COL4A3: variants seen among roughly 807,000 people sequenced by gnomAD.
The protein encoded by COL4A3 is collagen type IV alpha 3 chain, also known as collagen alpha-3(IV) chain.
COL4A3 carries 135 observed loss-of-function variants against 217.4 expected under a neutral mutation model. That is an observed-to-expected ratio of 0.62 (90% CI 0.54 to 0.72). COL4A3 has a LOEUF of 0.72. COL4A3 is among the 30% of genes least tolerant of loss of function. The probability of loss-of-function intolerance (pLI) is 0.00; values close to 1 mark genes in which losing one functional copy is unlikely to be tolerated. For synonymous variants in COL4A3, 690 were observed against 736.3 expected (o/e 0.94, Z 1.02); for missense variants, 1,868 against 2,119.9 (o/e 0.88, Z 2.33).
chr2:227,189,858 T>C (rs1291237904), intron 1 of COL4A3, among the ~76,000 whole-genome samples: 1 of 152,212 alleles, frequency 6.6e-6, no homozygotes, highest in Non-Finnish European at 1.5e-5. Context: ...CATCCTAAGA[T>C]TGCTTTCCCT....
intron 26 of COL4A3, among the ~76,000 whole-genome samples, chr2:227,274,376 T>G (rs1336452872): frequency 1.3e-5 from 2 of 152,156 alleles, no homozygotes; most frequent in Non-Finnish European, 1.5e-5. Context: ...CCTTACATTA[T>G]ATGTTATAAA....
At chr2:227,289,420 C>T (rs1011484005) in intron 35 of COL4A3, among the ~76,000 whole-genome samples, 172 bp downstream of exon 35, 1 of 152,146 alleles carries the variant, frequency 6.6e-6, no homozygotes, top group Admixed American at 6.5e-5. Flanking sequence ...GTTGGCGTGT[C>T]ATTAACTAAC....
At position 227,287,409 on chromosome 2, in the gene COL4A3, G is replaced by A. The variant is rs556240358; in HGVS notation, c.2882-1741G>A. ...TTGTGCCACTGCACTCCAGCATGGC[G>A]AGAAAGCAAGACTCCGTCTCAAAAA... On this transcript the variant is annotated intron_variant, in intron 34 of 51. Coordinates refer to ENST00000396578, the MANE Select transcript of COL4A3 (RefSeq NM_000091.5). 5.0e-4 allele frequency among the ~76,000 whole-genome samples: 76 copies of A among 150,956 alleles called. 1 individual carries two copies. Among genetic ancestry groups the A allele is most frequent in the African/African-American group, 1.6e-3 (64 of 41,064 alleles).
chr2:227,234,382 C>T (rs1026772854), intron 1 of COL4A3, among the ~76,000 whole-genome samples: 11 of 152,186 alleles, frequency 7.2e-5, no homozygotes, highest in African/African-American at 2.7e-4. Context: ...TTAATTTTAA[C>T]GTGTGTTAAA....
Position 227,303,083 on chromosome 2 carries a change from G to A in COL4A3, c.3928G>A (p.Gly1310Arg). Residue 1310 changes from glycine to arginine, a missense_variant, in exon 44 of 52, where the codon GGA becomes AGA. Physicochemically the swap from Gly to Arg is moderately radical, Grantham distance 125 (BLOSUM62 -2). This residue lies in a region of COL4A3 where 1,503 missense variants were observed against 1,786.1 expected (regional missense o/e 0.84). Transcript: ENST00000396578. ...PGLPGPRGDP[G>R]FQGFPGVKGE... ...TCTTCCAGGACCCAGAGGTGATCCT[G>A]GATTCCAGGGGTTTCCAGGCGTGAA... 2 of 1,613,988 alleles carry A rather than the reference G, an allele frequency of 1.2e-6. No individual in the cohort carries two copies. Among genetic ancestry groups the A allele is most frequent in the Non-Finnish European group, 1.7e-6 (2 of 1,179,920 alleles).
chr2:227,238,358 G>T (rs866691871), intron 2 of COL4A3, among the ~76,000 whole-genome samples: 17 of 151,992 alleles, frequency 1.1e-4, no homozygotes, highest in Non-Finnish European at 8.8e-5. Flanking sequence ...CACAAGAGAA[G>T]AACTGAAAAC....
At chr2:227,238,915 T>C (rs1252935537) in intron 2 of COL4A3, among the ~76,000 whole-genome samples, 1 of 152,230 alleles carries the variant, frequency 6.6e-6, no homozygotes, top group Non-Finnish European at 1.5e-5. Context: ...GAGTTTCTAT[T>C]ATTTGCAAGA....
At chr2:227,288,342 C>A (rs1454543586) in intron 34 of COL4A3, among the ~76,000 whole-genome samples, 1 of 152,126 alleles carries the variant, frequency 6.6e-6, no homozygotes, top group African/African-American at 2.4e-5. Context: ...AATGTTCTGC[C>A]CACCTCAGCC....
chr2:227,263,762 A>G lies in COL4A3; in HGVS notation c.1151-18A>G. 6.2e-7 allele frequency: 1 copy of G among 1,608,922 alleles called. No individual in the cohort carries two copies. The highest frequency in any genetic ancestry group is 8.5e-7 in the Non-Finnish European group (1 of 1,177,150). ...CAGGAAAAAATGTAAAATACAAGAA[A>G]TGATTATTTTCTCCAAGGATCATCA... On this transcript the variant is annotated intron_variant, in intron 20 of 51. Coordinates refer to ENST00000396578, the MANE Select transcript of COL4A3 (RefSeq NM_000091.5).
chr2:227,178,840 G>C (rs145856880), intron 1 of COL4A3, among the ~76,000 whole-genome samples: 1 of 152,084 alleles, frequency 6.6e-6, no homozygotes, highest in African/African-American at 2.4e-5. Flanking sequence ...TGATTTATAG[G>C]TGAGAGACTG....
At chr2:227,276,233 G>A (rs922220911) in intron 26 of COL4A3, 152 bp from the exon 27 acceptor site, 13 of 663,912 alleles carry the variant, frequency 2.0e-5, no homozygotes, top group East Asian at 2.7e-5. Context: ...TGGGCTGGTC[G>A]TCCTTAAGCT....
At chr2:227,167,785 A>G (rs1216227616) in intron 1 of COL4A3, among the ~76,000 whole-genome samples, 1 of 151,934 alleles carries the variant, frequency 6.6e-6, no homozygotes, top group African/African-American at 2.4e-5. Flanking sequence ...GTTTGTTCTC[A>G]GATTTCTACC....
chr2:227,297,924 ACCT>A, intron 42 of COL4A3, 65 bp downstream of exon 42: 1 of 1,496,300 alleles, frequency 6.7e-7, no homozygotes, highest in Non-Finnish European at 9.1e-7. Flanking sequence ...AAAGTTTTCA[ACCT>A]CCTCCTCATG....
rs771360235 is a variant in COL4A3 at position 227,273,137 on chromosome 2, A to G, written c.1927+20A>G. The G allele has an allele frequency of 3.7e-6, 6 of 1,612,358 alleles. No individual in the cohort carries two copies. In the African/African-American group the frequency reaches 6.7e-5, roughly 18 times the overall value. ...AAGCCGGTTGGTTAGTTTTCTTTCC[A>G]GTCCTGTTTTCCGATGGAGTGGGTT... is the stretch of plus-strand genomic sequence containing the variant. On this transcript the variant is annotated intron_variant, in intron 26 of 51. Transcript: ENST00000396578.
chr2:227,296,623 C>A, intron 41 of COL4A3: 1 of 517,722 alleles, frequency 1.9e-6, no homozygotes, highest in Non-Finnish European at 2.5e-6. Context: ...ATATATAATC[C>A]AAGCCATCTT....
chr2:227,289,280 C>A (rs760906462), intron 35 of COL4A3, 32 bp downstream of exon 35: 21 of 1,545,512 alleles, frequency 1.4e-5, no homozygotes, highest in Middle Eastern at 1.7e-4. Flanking sequence ...AAAAATATCA[C>A]ATTTTACACT....
At chr2:227,277,297 C>T (rs890547496) in intron 27 of COL4A3, 152 bp from the exon 28 acceptor site, 40 of 609,366 alleles carry the variant, frequency 6.6e-5, no homozygotes, top group African/African-American at 6.1e-4. Context: ...CCAGCCTGGG[C>T]GACAGACCGA....
intron 1 of COL4A3, among the ~76,000 whole-genome samples, chr2:227,219,026 G>A (rs145919716): frequency 0.077 from 11,463 of 149,622 alleles, 632 homozygotes; most frequent in African/African-American, 0.15. Flanking sequence ...ACAGAGTCTC[G>A]CTCTGTCCCC....
At chr2:227,241,011 A>G (rs1351819250) in intron 3 of COL4A3, among the ~76,000 whole-genome samples, 6 of 151,876 alleles carry the variant, frequency 4.0e-5, no homozygotes, top group African/African-American at 1.5e-4. Flanking sequence ...TTCTTTCTGT[A>G]TTTCTCCTGT....
Sources: allele counts gnomAD v4.1 joint callset (sites outside exome capture counted in the v4.1 genomes callset), GRCh38; gene constraint gnomAD v4.1.1; regional missense constraint gnomAD v4.1.1; transcripts MANE v1.5; gene names NCBI Gene and HGNC (gene_info 2026-07-23, HGNC 2026-07-21).